ADGRV1: variants seen among roughly 807,000 people sequenced by gnomAD.
ADGRV1 encodes G-protein coupled receptor 98.
Under a neutral mutation model 596.2 loss-of-function variants are expected in ADGRV1, and 359 were observed. That is an observed-to-expected ratio of 0.60 (90% confidence interval 0.55 to 0.66). ADGRV1 has a LOEUF of 0.66. Ranked by LOEUF, ADGRV1 falls within the 30% of genes least tolerant of loss-of-function variation. ADGRV1 has a pLI of 0.00. For missense variants in ADGRV1, 7,274 were observed against 7,575.6 expected (o/e 0.96, Z 1.48); for synonymous variants, 2,681 against 2,679.2 (o/e 1.00, Z -0.02).
At chr5:90,821,557 T>G (rs1763509120) in intron 75 of ADGRV1, among the ~76,000 whole-genome samples, 1 of 151,198 alleles carries the variant, frequency 6.6e-6, no homozygotes, top group Non-Finnish European at 1.5e-5. Flanking sequence ...TTATCTACTT[T>G]TGGTCTTTGA....
intron 4 of ADGRV1, among the ~76,000 whole-genome samples, chr5:90,619,973 G>A (rs915720499): frequency 6.6e-6 from 1 of 151,990 alleles, no homozygotes; most frequent in Admixed American, 6.6e-5. Flanking sequence ...GGTGTATTGT[G>A]CCACATTTTC....
rs181781040 is a variant in ADGRV1 at position 90,630,648 on chromosome 5, G to A, written c.1839+1109G>A. The stretch of plus-strand genomic sequence containing the variant: ...CTAAAATCTTATGTTGCCATACATT[G>A]TGCCAACTGAAGTATATAGCAAATG... On this transcript the variant is annotated intron_variant, in intron 9 of 89. Coordinates refer to ENST00000405460, the MANE Select transcript of ADGRV1 (RefSeq NM_032119.4). 41 of 152,292 alleles carry A rather than the reference G, an allele frequency of 2.7e-4. 1 individual carries two copies. The highest frequency in any genetic ancestry group is 2.3e-3 in the Admixed American group (35 of 15,298). The allele number at this position is 152,292 out of a possible 1,614,324, so 9.4% of individuals were successfully genotyped here.
intron 74 of ADGRV1, among the ~76,000 whole-genome samples, chr5:90,813,241 C>G (rs1019459909): frequency 2.2e-4 from 32 of 142,986 alleles, no homozygotes; most frequent in Non-Finnish European, 3.8e-4. Flanking sequence ...TGAATATAAC[C>G]AGGGCTGATA....
intron 85 of ADGRV1, among the ~76,000 whole-genome samples, chr5:91,061,580 T>A (rs1787432885): frequency 6.6e-6 from 1 of 152,244 alleles, no homozygotes; most frequent in Admixed American, 6.5e-5. Context: ...TAGTTTAATA[T>A]CAAATGAAAT....
At chr5:91,093,871 A>T (rs529828711) in intron 86 of ADGRV1, among the ~76,000 whole-genome samples, 90 of 112,862 alleles carry the variant, frequency 8.0e-4, no homozygotes, top group African/African-American at 2.5e-3. Context: ...TTTTTTTTTG[A>T]GATAGAGTCT....
At chr5:90,720,580 C>T (rs2149769428) in intron 44 of ADGRV1, among the ~76,000 whole-genome samples, 1 of 152,230 alleles carries the variant, frequency 6.6e-6, no homozygotes, top group Non-Finnish European at 1.5e-5. Context: ...TATATATTAA[C>T]ATGATTGTGG....
intron 83 of ADGRV1, among the ~76,000 whole-genome samples, chr5:90,922,778 T>C (rs936538295): frequency 6.6e-5 from 10 of 152,214 alleles, no homozygotes; most frequent in Non-Finnish European, 1.3e-4. Context: ...GCATCTGCAT[T>C]TGTAACTAGT....
At position 91,102,314 on chromosome 5, in the gene ADGRV1, CTCTT is replaced by C; in HGVS notation, c.18408_18411del (p.Phe6137SerfsTer26). 1 of 1,602,536 alleles carries C rather than the reference CTCTT, an allele frequency of 6.2e-7. No individual in the cohort carries two copies. The highest frequency in any genetic ancestry group is 1.1e-5 in the South Asian group (1 of 88,690). The stretch of plus-strand genomic sequence containing the variant: ...CTACAGACACTTCTGGATGTTGGTT[CTCTT>C]TGTCATTTTCAACAGTCTGCAGGTA... On this transcript the variant is annotated frameshift_variant, in exon 87 of 90. Coordinates refer to ENST00000405460, the MANE Select transcript of ADGRV1 (RefSeq NM_032119.4). LOFTEE classifies it high-confidence loss of function.
chr5:90,677,070 G>A (rs1300811357), intron 25 of ADGRV1, among the ~76,000 whole-genome samples: 1 of 152,098 alleles, frequency 6.6e-6, no homozygotes, highest in African/African-American at 2.4e-5. Context: ...ACCTTTATAA[G>A]TTTGAGAAAT....
At chr5:90,715,364 GTTCATTTACCAGCTC>G (rs1196341730) in intron 42 of ADGRV1, among the ~76,000 whole-genome samples, 1 of 152,214 alleles carries the variant, frequency 6.6e-6, no homozygotes, top group African/African-American at 2.4e-5. Flanking sequence ...AATCTGGGCT[GTTCATTTACCAGCTC>G]CTATTTCTGA....
chr5:90,802,772 C>G lies in ADGRV1; in HGVS notation c.14551C>G (p.Gln4851Glu). 1 of 1,612,654 alleles carries G rather than the reference C, an allele frequency of 6.2e-7. No homozygotes were observed. Among genetic ancestry groups the G allele is most frequent in the Non-Finnish European group, 8.5e-7 (1 of 1,179,268 alleles). Reference protein sequence around the residue: ...FLSLGSNFTLQLVTVMLVGGR... With the variant: ...FLSLGSNFTLELVTVMLVGGR... The stretch of plus-strand genomic sequence containing the variant: ...ATCACTGGGCTCTAATTTCACTTTG[C>G]AACTGGTGACTGTGATGCTTGTCGG... The change falls in exon 71 of 90, where the codon CAA (glutamine) becomes GAA (glutamate). Residue 4851 changes from glutamine to glutamate, a missense_variant. Gln to Glu is a conservative substitution (Grantham distance 29). Coordinates refer to ENST00000405460, the MANE Select transcript of ADGRV1 (RefSeq NM_032119.4).
intron 83 of ADGRV1, among the ~76,000 whole-genome samples, chr5:90,882,429 T>C (rs1045069737): frequency 6.6e-6 from 1 of 152,222 alleles, no homozygotes; most frequent in African/African-American, 2.4e-5. Flanking sequence ...CACAGTCTCC[T>C]GTACTGATGG....
chr5:90,707,304 C>T (rs769556440), intron 38 of ADGRV1, among the ~76,000 whole-genome samples: 14 of 151,810 alleles, frequency 9.2e-5, no homozygotes, highest in African/African-American at 1.5e-4. Context: ...ATGGTACTCA[C>T]GGAGGGAGTA....
chr5:91,158,745 A>T (rs1796677948), intron 89 of ADGRV1, among the ~76,000 whole-genome samples: 1 of 152,202 alleles, frequency 6.6e-6, no homozygotes, highest in South Asian at 2.1e-4. Context: ...GTCCTGGGCC[A>T]GAGTTTATGT....
At chr5:90,830,501 T>C (rs998709234) in intron 77 of ADGRV1, among the ~76,000 whole-genome samples, 4 of 152,104 alleles carry the variant, frequency 2.6e-5, no homozygotes, top group African/African-American at 9.7e-5. Flanking sequence ...TTGAGGCACA[T>C]CTTAAGCGAG....
At chr5:91,011,188 A>G (rs909462300) in intron 85 of ADGRV1, among the ~76,000 whole-genome samples, 4 of 151,964 alleles carry the variant, frequency 2.6e-5, no homozygotes, top group African/African-American at 7.2e-5. Flanking sequence ...TGAGGACATA[A>G]AAAAGTAGCA....
At chr5:91,025,377 A>G (rs1025266404) in intron 85 of ADGRV1, among the ~76,000 whole-genome samples, 7 of 152,142 alleles carry the variant, frequency 4.6e-5, no homozygotes, top group Non-Finnish European at 8.8e-5. Flanking sequence ...TAAGCCAGAT[A>G]GTTGAGCATT....
chr5:90,846,323 A>G (rs1320151244), intron 78 of ADGRV1: 3 of 152,278 alleles, frequency 2.0e-5, no homozygotes, highest in Non-Finnish European at 2.9e-5. Context: ...GTAGGTTGGT[A>G]GATGGGGCAT....
intron 11 of ADGRV1, among the ~76,000 whole-genome samples, chr5:90,641,908 A>G (rs1014038703): frequency 3.3e-5 from 5 of 152,180 alleles, no homozygotes; most frequent in Non-Finnish European, 5.9e-5. Context: ...CAGAAATTTA[A>G]AAAACATGTT....
Sources: gnomAD v4.1 joint callset for allele counts (sites outside exome capture counted in the v4.1 genomes callset) on GRCh38, gnomAD v4.1.1 for gene constraint, MANE v1.5 for transcripts, NCBI Gene and HGNC (gene_info 2026-07-23, HGNC 2026-07-21) for gene names.